The following KIT variants were observed in gnomAD, a reference collection of about 807,000 sequenced individuals.
KIT encodes the protein KIT proto-oncogene, receptor tyrosine kinase.
Under a neutral mutation model 105.7 loss-of-function variants are expected in KIT, and 16 were observed. The ratio of observed to expected loss-of-function variants is 0.15; its 90% CI spans 0.10 to 0.23. The LOEUF (loss-of-function observed/expected upper bound fraction) is 0.23. Among genes scored for constraint, KIT ranks in the 10% least tolerant of loss-of-function variants. The pLI, the probability that KIT is intolerant of heterozygous loss-of-function variation, is 1.00. For synonymous variants in KIT, 438 were observed against 441.1 expected (o/e 0.99, Z 0.09); for missense variants, 858 against 1,213.8 (o/e 0.71, Z 4.36).
rs2109781048 is a variant in KIT, at chr4:54,728,001, C to A, written c.1880-10C>A. On this transcript the variant is annotated splice_polypyrimidine_tract_variant and intron_variant, in intron 12 of 20. Transcript: ENST00000288135. Reference sequence around the variant, plus strand: ...GTGCTTTTTGCTAAAATGCATGTTTCCAATTTTAGCGAGTGCCCATTTGAC... The same window carrying A: ...GTGCTTTTTGCTAAAATGCATGTTTACAATTTTAGCGAGTGCCCATTTGAC... The A allele has an allele frequency of 6.2e-7, 1 of 1,613,404 alleles. No individual in the cohort carries two copies. The highest frequency in any genetic ancestry group is 8.5e-7 in the Non-Finnish European group (1 of 1,179,386).
At chr4:54,679,261 G>T (rs1288266975) in intron 1 of KIT, among the ~76,000 whole-genome samples, 1 of 152,116 alleles carries the variant, frequency 6.6e-6, no homozygotes, top group Non-Finnish European at 1.5e-5. Flanking sequence ...CTCCCTGAAT[G>T]TTTCTACCAA....
At position 54,725,837 on chromosome 4, in the gene KIT, T is replaced by A. The variant is rs2109767735; in HGVS notation, c.1347-20T>A. On this transcript the variant is annotated intron_variant, in intron 8 of 20. Transcript: ENST00000288135. Reference sequence around the variant, plus strand: ...TTATTTTCCTAGAGTAAGCCAGGGCTTTTGTTTTCTTCCCTTTAGATGCTC... The same window carrying A: ...TTATTTTCCTAGAGTAAGCCAGGGCATTTGTTTTCTTCCCTTTAGATGCTC... The A allele has an allele frequency of 6.2e-7, 1 of 1,611,674 alleles. No individual in the cohort carries two copies. Among genetic ancestry groups the A allele is most frequent in the Non-Finnish European group, 8.5e-7 (1 of 1,178,076 alleles).
rs756514724 is a variant in KIT at position 54,729,531 on chromosome 4, T to C, written c.2141+46T>C. ...TAGTTAGCTGTTGACAGGCAGTTCA[T>C]GGGGTCATAAGGGTTTGCAATCAAG... is the stretch of plus-strand genomic sequence containing the variant. On this transcript the variant is annotated intron_variant, in intron 14 of 20. Coordinates refer to ENST00000288135, the MANE Select transcript of KIT (RefSeq NM_000222.3). 1.9e-6 allele frequency: 3 copies of C among 1,596,392 alleles called. No homozygotes were observed. The South Asian group carries it at 3.3e-5, about 18-fold the overall frequency.
chr4:54,723,433 C>T lies in KIT; in HGVS notation c.1232-151C>T, dbSNP rs1052623828. ...CCTGACAGCCGCCTCCTTGTACCTTCCACTCCTTGGTTCAGATTCTGCCCT... is the reference window on the plus strand; with the variant it reads ...CCTGACAGCCGCCTCCTTGTACCTTTCACTCCTTGGTTCAGATTCTGCCCT... On this transcript the variant is annotated intron_variant, in intron 7 of 20. Transcript: ENST00000288135. 9.9e-5 allele frequency: 68 copies of T among 687,172 alleles called. No homozygotes were observed. The African/African-American group carries it at 1.1e-3, about 11-fold the overall frequency. The allele number at this position is 687,172 out of a possible 1,614,324, so 42.6% of individuals were successfully genotyped here. A position where few individuals can be genotyped will look rare whatever the true frequency, so the allele number is the denominator to read the frequency against.
intron 1 of KIT, among the ~76,000 whole-genome samples, chr4:54,680,567 A>G (rs6833242): frequency 0.051 from 7,716 of 151,274 alleles, 221 homozygotes; most frequent in Middle Eastern, 0.066. Context: ...AATTTTTTAT[A>G]TTTTAGGTAG....
At chr4:54,669,131 G>A (rs1717914775) in intron 1 of KIT, among the ~76,000 whole-genome samples, 1 of 152,072 alleles carries the variant, frequency 6.6e-6, no homozygotes, top group Non-Finnish European at 1.5e-5. Flanking sequence ...ACTTATTTTA[G>A]TATAGTCTGT....
intron 20 of KIT, 83 bp from the exon 21 acceptor site, chr4:54,738,346 T>G: frequency 3.4e-5 from 51 of 1,516,880 alleles, no homozygotes; most frequent in Middle Eastern, 1.7e-4. Context: ...CAGTTAGTTG[T>G]GATCTTGACA....
chr4:54,723,355 C>T (rs942654597), intron 7 of KIT, among the ~76,000 whole-genome samples: 1 of 152,178 alleles, frequency 6.6e-6, no homozygotes, highest in Non-Finnish European at 1.5e-5. Flanking sequence ...CTGCCTCAGC[C>T]ATCTCCTCTG....
At chr4:54,700,688 C>T (rs1435781380) in intron 4 of KIT, among the ~76,000 whole-genome samples, 1 of 152,202 alleles carries the variant, frequency 6.6e-6, no homozygotes. Flanking sequence ...TCTTCCTCCT[C>T]CTGCCCCATG....
intron 7 of KIT, among the ~76,000 whole-genome samples, chr4:54,719,150 C>T (rs1469254684): frequency 6.6e-6 from 1 of 152,032 alleles, no homozygotes; most frequent in African/African-American, 2.4e-5. Context: ...GTTTTTTGTC[C>T]TGCTGATTAT....
chr4:54,663,511 A>G (rs1717451520), intron 1 of KIT, among the ~76,000 whole-genome samples: 1 of 151,876 alleles, frequency 6.6e-6, no homozygotes, highest in Non-Finnish European at 1.5e-5. Context: ...TAAACAGAAT[A>G]TGTAGAGTGG....
rs766840704 is a variant in KIT at position 54,729,462 on chromosome 4, T to G, written c.2118T>G (p.Leu706=). ...DHAEAALYKN[L]LHSKESSCSD... is the part of the protein sequence containing the mutation. ...CAGAAGCTGCACTTTATAAGAATCT[T>G]CTGCATTCAAAGGAGTCTTCCTGGT... The change falls in exon 14 of 21, where the codon CTT becomes CTG. Residue 706 remains leucine, a synonymous_variant. Transcript: ENST00000288135. 20 of 1,613,458 alleles carry G rather than the reference T, an allele frequency of 1.2e-5. No homozygotes were observed. Among genetic ancestry groups the G allele is most frequent in the Non-Finnish European group, 1.6e-5 (19 of 1,179,722 alleles).
chr4:54,680,822 G>A (rs1368167043), intron 1 of KIT, among the ~76,000 whole-genome samples: 2 of 152,102 alleles, frequency 1.3e-5, no homozygotes, highest in Non-Finnish European at 2.9e-5. Flanking sequence ...GCTCACACTC[G>A]CCCACACCCA....
intron 1 of KIT, among the ~76,000 whole-genome samples, chr4:54,678,693 G>C (rs560188786): frequency 6.6e-6 from 1 of 152,158 alleles, no homozygotes; most frequent in South Asian, 2.1e-4. Flanking sequence ...GCTCAGAGAA[G>C]CACCTTAATT....
rs28384378 is a variant in KIT at position 54,731,820 on chromosome 4, T to A, written c.2234-51T>A. On this transcript the variant is annotated intron_variant, in intron 15 of 20. Transcript: ENST00000288135. ...ATGTCATTGCCACTGTCTTTTCCTT[T>A]CCTGACCTTTATGGTTGTAATTGCT... is the stretch of plus-strand genomic sequence containing the variant. The A allele has an allele frequency of 0.011, 17,021 of 1,603,788 alleles. 125 individuals carry two copies. The highest frequency in any genetic ancestry group is 0.012 in the Non-Finnish European group (14,437 of 1,170,780).
At chr4:54,733,775 G>T (rs1323720642) in intron 17 of KIT, among the ~76,000 whole-genome samples, 1 of 152,120 alleles carries the variant, frequency 6.6e-6, no homozygotes, top group African/African-American at 2.4e-5. Flanking sequence ...TTAAAAGTTG[G>T]AGAAACTAAG....
intron 1 of KIT, among the ~76,000 whole-genome samples, chr4:54,677,482 G>A (rs1718562704): frequency 6.6e-6 from 1 of 152,130 alleles, no homozygotes; most frequent in Non-Finnish European, 1.5e-5. Context: ...TAATACATGG[G>A]TCAGAAGCCA....
intron 5 of KIT, among the ~76,000 whole-genome samples, chr4:54,704,242 A>G (rs1720642946): frequency 6.6e-6 from 1 of 152,256 alleles, no homozygotes; most frequent in Non-Finnish European, 1.5e-5. Flanking sequence ...TTATCAAGGA[A>G]CACAAATGCT....
rs760939861 is a variant in KIT at position 54,727,900 on chromosome 4, A to G, written c.1852A>G (p.Met618Val). The G allele has an allele frequency of 6.2e-7, 1 of 1,614,092 alleles. No individual in the cohort carries two copies. Residue 618 changes from methionine (M) to valine (V), a missense_variant, in exon 12 of 21, where the codon ATG (methionine) becomes GTG (valine). By Grantham distance (21) the Met-to-Val change is conservative. Coordinates refer to ENST00000288135, the MANE Select transcript of KIT (RefSeq NM_000222.3). ...TGGCTTAATTAAGTCAGATGCGGCC[A>G]TGACTGTCGCTGTAAAGATGCTCAA... Reference protein sequence around the residue: ...AYGLIKSDAAMTVAVKMLKPS... With the variant: ...AYGLIKSDAAVTVAVKMLKPS...
Sources: allele counts gnomAD v4.1 joint callset (sites outside exome capture counted in the v4.1 genomes callset), GRCh38; gene constraint gnomAD v4.1.1; transcripts MANE v1.5; gene names NCBI Gene and HGNC (gene_info 2026-07-23, HGNC 2026-07-21).